ATXN10: variants seen among roughly 807,000 people sequenced by gnomAD.
ATXN10 encodes ataxin-10.
ATXN10 carries 28 observed loss-of-function variants against 52.9 expected under a neutral mutation model. That is an observed-to-expected ratio of 0.53 (90% CI 0.39 to 0.73). The LOEUF is 0.73. Ranked by LOEUF, ATXN10 falls within the 30% of genes least tolerant of loss-of-function variation. The pLI, the probability that ATXN10 is intolerant of heterozygous loss-of-function variation, is 0.00. For synonymous variants in ATXN10, 226 were observed against 221.5 expected (o/e 1.02, Z -0.18); for missense variants, 565 against 577.0 (o/e 0.98, Z 0.21).
Position 45,823,278 on chromosome 22 carries a change from T to G in ATXN10, c.1237+16256T>G. On this transcript the variant is annotated intron_variant, in intron 10 of 11. Coordinates refer to ENST00000252934, the MANE Select transcript of ATXN10 (RefSeq NM_013236.4). The surrounding 1 kb of genome is among the most constrained non-coding windows in gnomAD (Gnocchi z 4.9). ...AAAAATTCCCAATTTTAATGTAAAA[T>G]TTATCAGTCTTTCCTTCTATGTTTA... 1 of 462,830 alleles carries G rather than the reference T, an allele frequency of 2.2e-6. No individual in the cohort carries two copies. Among genetic ancestry groups the G allele is most frequent in the South Asian group, 1.6e-5 (1 of 62,886 alleles). 28.7% of individuals were successfully genotyped at this position (462,830 alleles called of 1,614,324 possible). A position where few individuals can be genotyped will look rare whatever the true frequency, so the allele number is the denominator to read the frequency against.
chr22:45,740,056 T>A (rs1346921153), intron 8 of ATXN10, among the ~76,000 whole-genome samples: 1 of 152,186 alleles, frequency 6.6e-6, no homozygotes, highest in African/African-American at 2.4e-5. Context: ...TTGGAAACCT[T>A]TTTGTAAGAA....
intron 9 of ATXN10, among the ~76,000 whole-genome samples, chr22:45,801,389 T>C (rs1024843571): frequency 2.0e-5 from 3 of 152,240 alleles, no homozygotes; most frequent in Non-Finnish European, 4.4e-5. Context: ...ACTTCTTTTT[T>C]ACTTCTGCTT....
chr22:45,832,018 C>T (rs141926203), intron 10 of ATXN10, among the ~76,000 whole-genome samples: 1 of 152,326 alleles, frequency 6.6e-6, no homozygotes, highest in East Asian at 1.9e-4. Context: ...GTGTAAATTG[C>T]CCAAAGCCGT....
intron 9 of ATXN10, among the ~76,000 whole-genome samples, chr22:45,742,253 C>A (rs1372118159): frequency 6.6e-6 from 1 of 152,026 alleles, no homozygotes; most frequent in Non-Finnish European, 1.5e-5. Context: ...CATAATGTAT[C>A]CTGTAATGTC....
At chr22:45,799,939 T>G (rs994619294) in intron 9 of ATXN10, among the ~76,000 whole-genome samples, 5 of 152,174 alleles carry the variant, frequency 3.3e-5, no homozygotes, top group African/African-American at 1.2e-4. Context: ...ACTGGAATGA[T>G]TTTATATCCT....
chr22:45,785,914 T>G (rs1927308460), intron 9 of ATXN10, among the ~76,000 whole-genome samples: 1 of 152,240 alleles, frequency 6.6e-6, no homozygotes. Context: ...GACATCTAGC[T>G]CTAAGGTTTC....
chr22:45,723,933 T>C (rs1384240147), intron 6 of ATXN10, among the ~76,000 whole-genome samples: 1 of 150,698 alleles, frequency 6.6e-6, no homozygotes, highest in African/African-American at 2.5e-5. Context: ...GCCTAGGTGA[T>C]AGAGTGAGAC....
rs4481093 is a variant in ATXN10, at chr22:45,688,150, T to C, written c.117-1562T>C. Among the ~76,000 whole-genome samples the C allele has an allele frequency of 0.62, 94,867 of 152,080 alleles. 31,380 individuals carry two copies. Among genetic ancestry groups the C allele is most frequent in the South Asian group, 0.75 (3,636 of 4,828 alleles). On this transcript the variant is annotated intron_variant, in intron 1 of 11. Transcript: ENST00000252934. This position sits in a 1 kb window ranked among gnomAD's most constrained non-coding sequence, Gnocchi z 4.0. Reference sequence around the variant, plus strand: ...TATGTACTTGTTTCATACAGTTTATTGAGGCAAGATTAGTGCTGTACCCTT... The same window carrying C: ...TATGTACTTGTTTCATACAGTTTATCGAGGCAAGATTAGTGCTGTACCCTT...
chr22:45,759,463 G>C lies in ATXN10; in HGVS notation c.1173+18925G>C, dbSNP rs894114093. On this transcript the variant is annotated intron_variant, in intron 9 of 11. Coordinates refer to ENST00000252934, the MANE Select transcript of ATXN10 (RefSeq NM_013236.4). This position sits in a 1 kb window ranked among gnomAD's most constrained non-coding sequence, Gnocchi z 5.4. ...GGAGGCAGAGGTTGCAGTGAGCCGA[G>C]ATAGCATCACTGCACTCCAGCCTGG... 6.6e-6 allele frequency among the ~76,000 whole-genome samples: 1 copy of C among 152,212 alleles called. No homozygotes were observed. Among genetic ancestry groups the C allele is most frequent in the Non-Finnish European group, 1.5e-5 (1 of 68,050 alleles).
rs1928577840 is a variant in ATXN10 at position 45,819,427 on chromosome 22, G to T, written c.1237+12405G>T. ...CTCTGATTCCACTGAGCCTGTCTCT[G>T]CACGGAACGAACACAAAGTTCGGTA... On this transcript the variant is annotated intron_variant, in intron 10 of 11. Transcript: ENST00000252934. This position sits in a 1 kb window ranked among gnomAD's most constrained non-coding sequence, Gnocchi z 4.5. Among the ~76,000 whole-genome samples, 1 of 152,160 alleles carries T rather than the reference G, an allele frequency of 6.6e-6. No individual in the cohort carries two copies. The highest frequency in any genetic ancestry group is 1.5e-5 in the Non-Finnish European group (1 of 68,016).
In ATXN10 at chr22:45,722,074, G is replaced by A. The variant is rs538532398; in HGVS notation, c.728+3581G>A. ...GCAGCATGGCTCTGTTTGGAGAGGTGTGTCTGGTGAACTCAGAGCAGCCTG... is the reference window on the plus strand; with the variant it reads ...GCAGCATGGCTCTGTTTGGAGAGGTATGTCTGGTGAACTCAGAGCAGCCTG... On this transcript the variant is annotated intron_variant, in intron 6 of 11. Transcript: ENST00000252934. Among the ~76,000 whole-genome samples the A allele has an allele frequency of 3.3e-5, 5 of 152,354 alleles. No individual in the cohort carries two copies. In the East Asian group the frequency reaches 9.6e-4, roughly 29 times the overall value.
In ATXN10 at chr22:45,833,556, T is replaced by C. The variant is rs562455834; in HGVS notation, c.1238-9435T>C. Among the ~76,000 whole-genome samples the C allele has an allele frequency of 3.3e-5, 5 of 152,376 alleles. No individual in the cohort carries two copies. The East Asian group carries it at 9.6e-4, about 29-fold the overall frequency. ...GTGCTAGACGAACACTAATGTCTTATAACTTAGGTGGGTTTACTTTTTCTG... is the reference window on the plus strand; with the variant it reads ...GTGCTAGACGAACACTAATGTCTTACAACTTAGGTGGGTTTACTTTTTCTG... On this transcript the variant is annotated intron_variant, in intron 10 of 11. Transcript: ENST00000252934. The surrounding 1 kb of genome is among the most constrained non-coding windows in gnomAD (Gnocchi z 4.3).
At chr22:45,706,895 G>T (rs1168624201) in intron 5 of ATXN10, among the ~76,000 whole-genome samples, 2 of 152,138 alleles carry the variant, frequency 1.3e-5, no homozygotes, top group Non-Finnish European at 2.9e-5. Flanking sequence ...TGGCTAGATG[G>T]TTGATAGTGT....
At chr22:45,811,567 AG>A (rs974289789) in intron 10 of ATXN10, 1 of 359,528 alleles carries the variant, frequency 2.8e-6, no homozygotes, top group African/African-American at 2.1e-5. Flanking sequence ...CATGCTATAC[AG>A]TTCTATAGTC....
rs181301188 is a variant in ATXN10, at chr22:45,723,718, G to A, written c.728+5225G>A. On this transcript the variant is annotated intron_variant, in intron 6 of 11. Coordinates refer to ENST00000252934, the MANE Select transcript of ATXN10 (RefSeq NM_013236.4). ...CACCTGTAATCCCAGCACTTTGGGA[G>A]GTGGAGGAAGTCAGATCACTTGAGA... Among the ~76,000 whole-genome samples the A allele has an allele frequency of 2.4e-4, 37 of 152,268 alleles. No homozygotes were observed. In the East Asian group the frequency reaches 7.1e-3, roughly 29 times the overall value.
chr22:45,829,970 A>G (rs1928935836), intron 10 of ATXN10, among the ~76,000 whole-genome samples: 1 of 152,254 alleles, frequency 6.6e-6, no homozygotes, highest in Admixed American at 6.5e-5. Flanking sequence ...TTTGAAACTT[A>G]TAATAAAGCT....
rs1227557832 is a variant in ATXN10, at chr22:45,708,414, A to T, written c.647+5567A>T. 6.6e-6 allele frequency among the ~76,000 whole-genome samples: 1 copy of T among 152,162 alleles called. No individual in the cohort carries two copies. The highest frequency in any genetic ancestry group is 2.4e-5 in the African/African-American group (1 of 41,428). On this transcript the variant is annotated intron_variant, in intron 5 of 11. Transcript: ENST00000252934. The surrounding 1 kb of genome is among the most constrained non-coding windows in gnomAD (Gnocchi z 5.3). ...ACATTGCTGCCATCCTGTGAATTGTATTTTGCTACTATGTACCTATGAAAG... is the reference window on the plus strand; with the variant it reads ...ACATTGCTGCCATCCTGTGAATTGTTTTTTGCTACTATGTACCTATGAAAG...
At chr22:45,761,853 G>A (rs1926402531) in intron 9 of ATXN10, among the ~76,000 whole-genome samples, 1 of 152,140 alleles carries the variant, frequency 6.6e-6, no homozygotes, top group African/African-American at 2.4e-5. Context: ...AAACAGAAAA[G>A]GTTGATTTCA....
intron 7 of ATXN10, 192 bp from the exon 8 acceptor site, chr22:45,738,539 G>T (rs960110339): frequency 1.8e-6 from 1 of 557,626 alleles, no homozygotes; most frequent in Admixed American, 3.2e-5. Context: ...TCTGCTGTTA[G>T]TGAAAATGAT....
Sources: allele counts gnomAD v4.1 joint callset (sites outside exome capture counted in the v4.1 genomes callset), GRCh38; gene constraint gnomAD v4.1.1; non-coding constraint Gnocchi (gnomAD v3.1); transcripts MANE v1.5; gene names NCBI Gene and HGNC (gene_info 2026-07-23, HGNC 2026-07-21).